KCNH2: variants seen among roughly 807,000 people sequenced by gnomAD.
KCNH2 encodes voltage-gated inwardly rectifying potassium channel KCNH2.
KCNH2 carries 35 observed loss-of-function variants against 95.9 expected under a neutral mutation model. The observed-to-expected ratio is 0.37, with a 90% CI of 0.28 to 0.48. KCNH2 has a LOEUF of 0.48. KCNH2 is among the 20% of genes least tolerant of loss of function. KCNH2 has a pLI of 0.99. For synonymous variants in KCNH2, 786 were observed against 754.7 expected (o/e 1.04, Z -0.68); for missense variants, 1,274 against 1,702.9 (o/e 0.75, Z 4.43).
At chr7:150,977,084 A>G (rs567693437) in intron 1 of KCNH2, among the ~76,000 whole-genome samples, 2 of 152,198 alleles carry the variant, frequency 1.3e-5, no homozygotes, top group South Asian at 4.1e-4. Context: ...ACCCTTCTAG[A>G]AGCCTCCCTA....
At chr7:150,959,449 G>A in intron 3 of KCNH2, 123 bp downstream of exon 3, 5 of 1,235,430 alleles carry the variant, frequency 4.0e-6, no homozygotes, top group Non-Finnish European at 5.7e-6. Flanking sequence ...ACCTCCAAAG[G>A]GGGGACCCCC....
intron 9 of KCNH2, chr7:150,949,367 TCAAAC>T (rs949761000): frequency 1.6e-6 from 2 of 1,223,982 alleles, no homozygotes; most frequent in African/African-American, 3.1e-5. Flanking sequence ...GCAATGTTCT[TCAAAC>T]CAAAGATCAG....
At position 150,947,813 on chromosome 7, in the gene KCNH2, G is replaced by A. The variant is rs199473438; in HGVS notation, c.2758C>T (p.Arg920Trp). ...PGRAGAGPSS[R>W]GRPGGPWGES... is the part of the protein sequence containing the mutation. ...CCCCACGGCCCCCCCGGCCGGCCCC[G>A]GCTACTCGGCCCTGCCCCCGCCCGG... The change falls in exon 12 of 15, where the codon CGG becomes TGG. Residue 920 changes from arginine to tryptophan, a missense_variant. Coordinates refer to ENST00000262186, the MANE Select transcript of KCNH2 (RefSeq NM_000238.4). 22 of 1,529,092 alleles carry A rather than the reference G, an allele frequency of 1.4e-5. No homozygotes were observed. The highest frequency in any genetic ancestry group is 2.5e-5 in the East Asian group (1 of 40,770). 94.7% of individuals were successfully genotyped at this position (1,529,092 alleles called of 1,614,324 possible).
At position 150,947,339 on chromosome 7, in the gene KCNH2, G is replaced by T. The variant is rs1403185215; in HGVS notation, c.3141C>A (p.Arg1047=). ...DVESRLDALQ[R]QLNRLETRLS... Reference sequence around the variant, plus strand: ...CTGCACTCCCTCACCTGTTGAGCTGGCGCTGGAGGGCATCCAGCCTGCTCT... The same window carrying T: ...CTGCACTCCCTCACCTGTTGAGCTGTCGCTGGAGGGCATCCAGCCTGCTCT... Residue 1047 remains arginine (R), a synonymous_variant, in exon 13 of 15, where the codon CGC becomes CGA. Coordinates refer to ENST00000262186, the MANE Select transcript of KCNH2 (RefSeq NM_000238.4). 8 of 1,542,552 alleles carry T rather than the reference G, an allele frequency of 5.2e-6. No individual in the cohort carries two copies.
intron 2 of KCNH2, among the ~76,000 whole-genome samples, chr7:150,967,065 G>T (rs1474301316): frequency 6.6e-6 from 1 of 152,152 alleles, no homozygotes; most frequent in Admixed American, 6.5e-5. Context: ...GATCACCTGA[G>T]GTCAGGAGTT....
At chr7:150,950,457 C>T in intron 8 of KCNH2, 37 bp from the exon 9 acceptor site, 1 of 1,605,074 alleles carries the variant, frequency 6.2e-7, no homozygotes, top group Admixed American at 1.7e-5. Flanking sequence ...CACACCCTCC[C>T]TTGGGACCCC....
Position 150,958,043 on chromosome 7 carries a change from C to T in KCNH2, c.916+16G>A. ...AAGCGTGGGCTGGGGCGGAACGGGT[C>T]CCGCGGCGCCCTCACCGGTGCTGGC... On this transcript the variant is annotated intron_variant, in intron 4 of 14. Coordinates refer to ENST00000262186, the MANE Select transcript of KCNH2 (RefSeq NM_000238.4). 1 of 1,263,104 alleles carries T rather than the reference C, an allele frequency of 7.9e-7. No homozygotes were observed. Among genetic ancestry groups the T allele is most frequent in the South Asian group, 3.4e-5 (1 of 29,636 alleles). The allele number at this position is 1,263,104 out of a possible 1,614,324, so 78.2% of individuals were successfully genotyped here.
At chr7:150,971,552 G>A (rs923691839) in intron 2 of KCNH2, among the ~76,000 whole-genome samples, 10 of 152,120 alleles carry the variant, frequency 6.6e-5, no homozygotes, top group African/African-American at 2.4e-4. Flanking sequence ...GGTATGAGCA[G>A]CCAGACAGAG....
At position 150,958,278 on chromosome 7, in the gene KCNH2, C is replaced by G; in HGVS notation, c.697G>C (p.Ala233Pro). Reference protein sequence around the residue: ...AGLGPAEERRALVGPGSPPRS... With the variant: ...AGLGPAEERRPLVGPGSPPRS... ...GGCGGAGAGCCGGGACCCACCAGCGCACGCCGCTCCTCCGCGGGCCCGAGC... is the reference window on the plus strand; with the variant it reads ...GGCGGAGAGCCGGGACCCACCAGCGGACGCCGCTCCTCCGCGGGCCCGAGC... Residue 233 changes from alanine to proline, a missense_variant, in exon 4 of 15, where the codon GCG becomes CCG. By Grantham distance (27) the Ala-to-Pro change is conservative (BLOSUM62 -1). Around this residue, in one of 7 missense-constraint regions of KCNH2, gnomAD observed 392 missense variants for 429.9 expected, o/e 0.91. Transcript: ENST00000262186. 6.9e-7 allele frequency: 1 copy of G among 1,457,402 alleles called. No homozygotes were observed. The highest frequency in any genetic ancestry group is 9.0e-7 in the Non-Finnish European group (1 of 1,108,714). The allele number at this position is 1,457,402 out of a possible 1,614,324, so 90.3% of individuals were successfully genotyped here.
In KCNH2 at chr7:150,946,813, G is replaced by T; in HGVS notation, c.3330+64C>A. 1.4e-6 allele frequency: 2 copies of T among 1,476,278 alleles called. No homozygotes were observed. Among genetic ancestry groups the T allele is most frequent in the Non-Finnish European group, 1.9e-6 (2 of 1,074,672 alleles). 91.4% of individuals were successfully genotyped at this position (1,476,278 alleles called of 1,614,324 possible). A position where few individuals can be genotyped will look rare whatever the true frequency, so the allele number is the denominator to read the frequency against. ...GCCCAGCAGAAAGGCAGCAAAGCAGGTTTGGGCTGGAATCGGGGAACAAGC... is the reference window on the plus strand; with the variant it reads ...GCCCAGCAGAAAGGCAGCAAAGCAGTTTTGGGCTGGAATCGGGGAACAAGC... On this transcript the variant is annotated intron_variant, in intron 14 of 14. Transcript: ENST00000262186. The surrounding 1 kb of genome is among the most constrained non-coding windows in gnomAD (Gnocchi z 6.5).
rs1584863947 is a variant in KCNH2, at chr7:150,957,410, T to C, written c.1009A>G (p.Thr337Ala). 6.2e-7 allele frequency: 1 copy of C among 1,614,140 alleles called. No individual in the cohort carries two copies. The highest frequency in any genetic ancestry group is 8.5e-7 in the Non-Finnish European group (1 of 1,179,962). ...CCCTTGAGGTCCACAAAGTTGAGGG[T>C]GATTTGGGGAATCTTGCTAATGGTG... ...YRTISKIPQI[T>A]LNFVDLKGDP... The change falls in exon 5 of 15, where the codon ACC becomes GCC. Residue 337 changes from threonine to alanine, a missense_variant. Thr to Ala is a moderately conservative substitution (Grantham distance 58). Transcript: ENST00000262186.
At position 150,951,555 on chromosome 7, in the gene KCNH2, G is replaced by A. The variant is rs199473524; in HGVS notation, c.1838C>T (p.Thr613Met). The change falls in exon 7 of 15, where the codon ACG becomes ATG. Residue 613 changes from threonine to methionine, a missense_variant. By Grantham distance (81) the Thr-to-Met change is moderately conservative. This residue lies in a region of KCNH2 where 147 missense variants were observed against 344.4 expected (regional missense o/e 0.43). Coordinates refer to ENST00000262186, the MANE Select transcript of KCNH2 (RefSeq NM_000238.4). ...GGPSIKDKYV[T>M]ALYFTFSSLT... Reference sequence around the variant, plus strand: ...GCTGCTGAAGGTGAAGTAGAGCGCCGTCACATACTTGTCCTTGATGGAGGG... The same window carrying A: ...GCTGCTGAAGGTGAAGTAGAGCGCCATCACATACTTGTCCTTGATGGAGGG... The A allele has an allele frequency of 6.2e-7, 1 of 1,614,170 alleles. No individual in the cohort carries two copies. Among genetic ancestry groups the A allele is most frequent in the Non-Finnish European group, 8.5e-7 (1 of 1,180,030 alleles).
In KCNH2 at chr7:150,949,054, A is replaced by T. The variant is rs1453910056; in HGVS notation, c.2399-5T>A. 1.2e-6 allele frequency: 2 copies of T among 1,613,532 alleles called. No individual in the cohort carries two copies. Among genetic ancestry groups the T allele is most frequent in the South Asian group, 2.2e-5 (2 of 91,024 alleles). ...CCCCAAAGATGTCATTCTTCCCTGGAGGCCATGGAGAGGACAGGGAGCTCA... is the reference window on the plus strand; with the variant it reads ...CCCCAAAGATGTCATTCTTCCCTGGTGGCCATGGAGAGGACAGGGAGCTCA... On this transcript the variant is annotated splice_region_variant and splice_polypyrimidine_tract_variant and intron_variant, in intron 9 of 14. Coordinates refer to ENST00000262186, the MANE Select transcript of KCNH2 (RefSeq NM_000238.4).
At position 150,958,239 on chromosome 7, in the gene KCNH2, CG is replaced by C; in HGVS notation, c.735del (p.Gly246AlafsTer114). On this transcript the variant is annotated frameshift_variant, in exon 4 of 15. Transcript: ENST00000262186. LOFTEE classifies it high-confidence loss of function. ...TGCGCCCGGGGCGATGGGAGCTGGC[CG>C]GGCGCGCTGCGGGGCGGAGAGCCGG... The part of the protein sequence containing the change: ...VGPGSPPRSA[P>X]GQLPSPRAHS... 7.1e-7 allele frequency: 1 copy of C among 1,401,520 alleles called. No individual in the cohort carries two copies. The highest frequency in any genetic ancestry group is 1.6e-5 in the South Asian group (1 of 64,238). 86.8% of individuals were successfully genotyped at this position (1,401,520 alleles called of 1,614,324 possible).
intron 6 of KCNH2, 88 bp from the exon 7 acceptor site, chr7:150,951,923 C>A: frequency 7.8e-7 from 1 of 1,290,012 alleles, no homozygotes; most frequent in Non-Finnish European, 1.1e-6. Context: ...GAGCGAGCAT[C>A]AGAGGTCAGA....
At chr7:150,965,276 T>C (rs1267303887) in intron 2 of KCNH2, among the ~76,000 whole-genome samples, 1 of 152,000 alleles carries the variant, frequency 6.6e-6, no homozygotes, top group African/African-American at 2.4e-5. Flanking sequence ...GGGGCCGCTG[T>C]AGTCATCTAG....
intron 2 of KCNH2, among the ~76,000 whole-genome samples, chr7:150,965,733 G>A (rs541865391): frequency 3.9e-5 from 6 of 152,312 alleles, no homozygotes; most frequent in Admixed American, 2.0e-4. Context: ...TACACTGGCC[G>A]GGCTTCCCCG....
intron 2 of KCNH2, among the ~76,000 whole-genome samples, chr7:150,963,333 G>T (rs922015046): frequency 3.3e-5 from 5 of 152,146 alleles, no homozygotes; most frequent in Admixed American, 3.3e-4. Context: ...ACTTTGGGCC[G>T]GTCACTTACC....
chr7:150,950,840 G>A, intron 8 of KCNH2, 81 bp downstream of exon 8: 3 of 1,437,716 alleles, frequency 2.1e-6, no homozygotes, highest in Non-Finnish European at 2.9e-6. Flanking sequence ...CCTGAGACTT[G>A]TTTGCTGTGC....
Sources: gnomAD v4.1 joint callset for allele counts (sites outside exome capture counted in the v4.1 genomes callset) on GRCh38, gnomAD v4.1.1 for gene constraint, gnomAD v4.1.1 regional missense constraint, Gnocchi (gnomAD v3.1) non-coding constraint, MANE v1.5 for transcripts, NCBI Gene and HGNC (gene_info 2026-07-23, HGNC 2026-07-21) for gene names.